The following KLHL6 variants were observed in gnomAD, a reference collection of about 807,000 sequenced individuals.
The protein encoded by KLHL6 is kelch like family member 6, also known as kelch-like protein 6.
KLHL6 carries 41 observed loss-of-function variants against 58.6 expected under a neutral mutation model. The ratio of observed to expected loss-of-function variants is 0.70; its 90% CI spans 0.55 to 0.91. The LOEUF (loss-of-function observed/expected upper bound fraction) is 0.91. KLHL6 is among the 40% of genes least tolerant of loss of function. KLHL6 has a pLI of 0.00. For missense variants in KLHL6, 714 were observed against 805.6 expected (o/e 0.89, Z 1.38); for synonymous variants, 338 against 322.7 (o/e 1.05, Z -0.51).
intron 1 of KLHL6, among the ~76,000 whole-genome samples, chr3:183,531,735 C>T (rs567436287): frequency 1.0e-3 from 152 of 152,312 alleles, no homozygotes; most frequent in African/African-American, 3.4e-3. Flanking sequence ...CGTGAGCCAC[C>T]GTGCCCAGCC....
intron 1 of KLHL6, among the ~76,000 whole-genome samples, chr3:183,547,815 A>G (rs1712774300): frequency 6.6e-6 from 1 of 152,144 alleles, no homozygotes. Flanking sequence ...CTTTGATGGG[A>G]AGAGTGGTTT....
intron 2 of KLHL6, among the ~76,000 whole-genome samples, chr3:183,512,389 G>A (rs1254252263): frequency 1.3e-5 from 2 of 152,120 alleles, no homozygotes; most frequent in African/African-American, 2.4e-5. Context: ...TGCAATAATA[G>A]TTTCATGTTT....
In KLHL6 at chr3:183,555,701, C is replaced by G; in HGVS notation, c.-48G>C. 2 of 1,526,652 alleles carry G rather than the reference C, an allele frequency of 1.3e-6. No individual in the cohort carries two copies. The highest frequency in any genetic ancestry group is 2.3e-5 in the East Asian group (1 of 44,306). The allele number at this position is 1,526,652 out of a possible 1,614,324, so 94.6% of individuals were successfully genotyped here. A position where few individuals can be genotyped will look rare whatever the true frequency, so the allele number is the denominator to read the frequency against. ...TGTCAGGCAGGCCCCATTGCAGGAG[C>G]TGAGCGGATTTCCTGTGCAGGGCCC... is the stretch of plus-strand genomic sequence containing the variant. On this transcript the variant is annotated 5_prime_UTR_variant, in exon 1 of 7. Transcript: ENST00000341319.
intron 2 of KLHL6, among the ~76,000 whole-genome samples, chr3:183,513,032 G>GTATA (rs1560098456): frequency 6.6e-6 from 1 of 152,056 alleles, no homozygotes; most frequent in Non-Finnish European, 1.5e-5. Flanking sequence ...TGTTAGCAGT[G>GTATA]GTTATAGATA....
At chr3:183,542,879 GAT>G (rs1458593271) in intron 1 of KLHL6, among the ~76,000 whole-genome samples, 6 of 151,658 alleles carry the variant, frequency 4.0e-5, no homozygotes, top group Non-Finnish European at 7.4e-5. Flanking sequence ...TGGATGGATG[GAT>G]GGATGGATGG....
intron 2 of KLHL6, among the ~76,000 whole-genome samples, chr3:183,520,011 T>A: frequency 6.6e-6 from 1 of 151,272 alleles, no homozygotes; most frequent in East Asian, 1.9e-4. Context: ...TAGTTAGGAC[T>A]CAAAAAGAAC....
chr3:183,548,934 G>C (rs1381197407), intron 1 of KLHL6: 3 of 151,762 alleles, frequency 2.0e-5, no homozygotes, highest in Admixed American at 6.5e-5. Context: ...TCATAAGTGG[G>C]AGTTGAACAA....
intron 2 of KLHL6, chr3:183,522,799 T>TTG (rs1711813421): frequency 6.6e-6 from 1 of 152,106 alleles, no homozygotes; most frequent in Non-Finnish European, 1.5e-5. Context: ...TTGGGCAGTT[T>TTG]TTTGTTTGTT....
At chr3:183,534,204 G>A (rs1349206099) in intron 1 of KLHL6, among the ~76,000 whole-genome samples, 2 of 82,532 alleles carry the variant, frequency 2.4e-5, no homozygotes, top group Non-Finnish European at 4.8e-5. Context: ...GGCTTGCCTC[G>A]CTGCCTCCTG....
Position 183,528,159 on chromosome 3 carries a change from C to G in KLHL6, c.294-149G>C, listed in dbSNP as rs1028610667. 43 of 780,680 alleles carry G rather than the reference C, an allele frequency of 5.5e-5. No homozygotes were observed. In the African/African-American group the frequency reaches 6.4e-4, roughly 12 times the overall value. 48.4% of individuals were successfully genotyped at this position (780,680 alleles called of 1,614,324 possible). A position where few individuals can be genotyped will look rare whatever the true frequency, so the allele number is the denominator to read the frequency against. Reference sequence around the variant, plus strand: ...TGGTGGCTCTCTGTTCTCCAGCACCCCCTACGCATTAGACATTTCATCAGT... The same window carrying G: ...TGGTGGCTCTCTGTTCTCCAGCACCGCCTACGCATTAGACATTTCATCAGT... On this transcript the variant is annotated intron_variant, in intron 1 of 6. Coordinates refer to ENST00000341319, the MANE Select transcript of KLHL6 (RefSeq NM_130446.4).
At chr3:183,541,579 C>T (rs1039480841) in intron 1 of KLHL6, among the ~76,000 whole-genome samples, 2 of 152,192 alleles carry the variant, frequency 1.3e-5, no homozygotes, top group African/African-American at 4.8e-5. Context: ...GTGGCACATG[C>T]TTGTAGTCCC....
chr3:183,508,400 T>A lies in KLHL6; in HGVS notation c.568A>T (p.Lys190Ter). Residue 190 changes from lysine to a stop codon, truncating the protein, a stop_gained, in exon 3 of 7, where the codon AAG becomes TAG. Coordinates refer to ENST00000341319, the MANE Select transcript of KLHL6 (RefSeq NM_130446.4). LOFTEE classifies it high-confidence loss of function. ...ATGATGTAACTCTGAACCTGCTTCTTTAGACTGTCCAGCGAGTGTGTGTCA... is the reference window on the plus strand; with the variant it reads ...ATGATGTAACTCTGAACCTGCTTCTATAGACTGTCCAGCGAGTGTGTGTCA... ...LADTHSLDSLKKQVQSYIIQN... is the reference protein window; with the variant it reads ...LADTHSLDSL 1 of 1,614,222 alleles carries A rather than the reference T, an allele frequency of 6.2e-7. No homozygotes were observed. Among genetic ancestry groups the A allele is most frequent in the South Asian group, 1.1e-5 (1 of 91,084 alleles).
At chr3:183,553,147 C>A (rs1444687419) in intron 1 of KLHL6, among the ~76,000 whole-genome samples, 2 of 152,206 alleles carry the variant, frequency 1.3e-5, no homozygotes, top group Admixed American at 1.3e-4. Context: ...AAAGTCACTT[C>A]TCTGAAGAGA....
chr3:183,491,878 G>A lies in KLHL6; in HGVS notation c.*49C>T. ...GGGACTGGAGGAGGGTGAGAGGTGA[G>A]GCGGGTACGCTGAGGGTCGGGGGGG... On this transcript the variant is annotated 3_prime_UTR_variant, in exon 7 of 7. Transcript: ENST00000341319. 7.0e-7 allele frequency: 1 copy of A among 1,430,648 alleles called. No individual in the cohort carries two copies. Among genetic ancestry groups the A allele is most frequent in the Non-Finnish European group, 9.2e-7 (1 of 1,081,706 alleles). The allele number at this position is 1,430,648 out of a possible 1,614,324, so 88.6% of individuals were successfully genotyped here. A position where few individuals can be genotyped will look rare whatever the true frequency, so the allele number is the denominator to read the frequency against.
In KLHL6 at chr3:183,491,456, T is replaced by A. The variant is rs1480252763; in HGVS notation, c.*471A>T. On this transcript the variant is annotated 3_prime_UTR_variant, in exon 7 of 7. Transcript: ENST00000341319. ...TGTTTTTTGTTTGTTTTTCCTGCTC[T>A]GAGATAGGCAGCATGGTGGAAAGAG... is the stretch of plus-strand genomic sequence containing the variant. 6.5e-6 allele frequency: 1 copy of A among 153,930 alleles called. No homozygotes were observed. The highest frequency in any genetic ancestry group is 2.4e-5 in the African/African-American group (1 of 41,518). The allele number at this position is 153,930 out of a possible 1,614,324, so 9.5% of individuals were successfully genotyped here.
chr3:183,505,571 A>G (rs1175889340), intron 3 of KLHL6, among the ~76,000 whole-genome samples: 1 of 152,182 alleles, frequency 6.6e-6, no homozygotes, highest in Non-Finnish European at 1.5e-5. Flanking sequence ...CAGAAAAACA[A>G]TAGAGAAAAT....
rs781649953 is a variant in KLHL6, at chr3:183,555,458, G to A, written c.196C>T (p.Arg66Ter). Residue 66 changes from arginine to a stop codon, truncating the protein, a stop_gained, in exon 1 of 7, where the codon CGA (arginine) becomes TGA (stop). Transcript: ENST00000341319. LOFTEE classifies it high-confidence loss of function. The part of the protein sequence containing the change: ...LILQNGLETL[R>*]MENALTDVIL... ...ACATCTGTCAGAGCGTTTTCCATTC[G>A]CAGGGTTTCCAGGCCATTCTGAAGA... is the stretch of plus-strand genomic sequence containing the variant. 3 of 1,613,980 alleles carry A rather than the reference G, an allele frequency of 1.9e-6. No individual in the cohort carries two copies. The highest frequency in any genetic ancestry group is 2.5e-6 in the Non-Finnish European group (3 of 1,180,020).
chr3:183,497,627 T>C (rs7630952), intron 4 of KLHL6, among the ~76,000 whole-genome samples: 9,623 of 152,172 alleles, frequency 0.063, 789 homozygotes, highest in East Asian at 0.21. Flanking sequence ...GAGGCTTTTA[T>C]GAGCAGGTGT....
Position 183,499,914 on chromosome 3 carries a change from T to A in KLHL6, c.910-87A>T. The A allele has an allele frequency of 1.1e-6, 1 of 928,720 alleles. No homozygotes were observed. The highest frequency in any genetic ancestry group is 1.6e-6 in the Non-Finnish European group (1 of 633,384). 57.5% of individuals were successfully genotyped at this position (928,720 alleles called of 1,614,324 possible). A position where few individuals can be genotyped will look rare whatever the true frequency, so the allele number is the denominator to read the frequency against. On this transcript the variant is annotated intron_variant, in intron 3 of 6. Coordinates refer to ENST00000341319, the MANE Select transcript of KLHL6 (RefSeq NM_130446.4). This position sits in a 1 kb window ranked among gnomAD's most constrained non-coding sequence, Gnocchi z 4.6. ...GGAGCCATTAGGAGTCGGGTCCAAT[T>A]CCCATATCTGCCACGGTATGACCAT...
Sources: gnomAD v4.1 joint callset for allele counts (sites outside exome capture counted in the v4.1 genomes callset) on GRCh38, gnomAD v4.1.1 for gene constraint, Gnocchi (gnomAD v3.1) non-coding constraint, MANE v1.5 for transcripts, NCBI Gene and HGNC (gene_info 2026-07-23, HGNC 2026-07-21) for gene names.